The following STOX1 variants were observed in gnomAD, a reference collection of about 807,000 sequenced individuals.
The protein encoded by STOX1 is storkhead box 1, also known as storkhead-box protein 1.
STOX1 carries 57 observed loss-of-function variants against 74.8 expected under a neutral mutation model. The observed-to-expected ratio is 0.76, with a 90% CI of 0.62 to 0.95. The LOEUF (loss-of-function observed/expected upper bound fraction) is 0.95, where lower values mean the gene tolerates loss of function less well. STOX1 is among the 40% of genes least tolerant of loss of function. The pLI is 0.00. For missense variants in STOX1, 1,010 were observed against 1,117.0 expected (o/e 0.90, Z 1.37); for synonymous variants, 375 against 401.3 (o/e 0.93, Z 0.78).
intron 1 of STOX1, among the ~76,000 whole-genome samples, chr10:68,845,322 G>A (rs2133519282): frequency 7.0e-6 from 1 of 142,546 alleles, no homozygotes; most frequent in East Asian, 2.1e-4. Flanking sequence ...CACCCAGGCT[G>A]GAGTGCAGTG....
intron 1 of STOX1, among the ~76,000 whole-genome samples, chr10:68,829,599 A>C (rs1839353716): frequency 6.6e-6 from 1 of 152,126 alleles, no homozygotes; most frequent in Non-Finnish European, 1.5e-5. Context: ...GCAAGAAGCA[A>C]GCACCTGACC....
At chr10:68,865,772 A>T (rs1479766896) in intron 1 of STOX1, among the ~76,000 whole-genome samples, 1 of 152,180 alleles carries the variant, frequency 6.6e-6, no homozygotes, top group African/African-American at 2.4e-5. Flanking sequence ...AACATTCTAC[A>T]TTTACCTGAT....
chr10:68,847,295 C>G (rs894174694), intron 1 of STOX1, among the ~76,000 whole-genome samples: 2 of 152,122 alleles, frequency 1.3e-5, no homozygotes, highest in Admixed American at 1.3e-4. Context: ...AAAGATGACC[C>G]CAGTATAAGT....
chr10:68,836,165 C>T (rs1839547352), intron 1 of STOX1, among the ~76,000 whole-genome samples: 1 of 152,212 alleles, frequency 6.6e-6, no homozygotes, highest in South Asian at 2.1e-4. Flanking sequence ...CCACCACGCC[C>T]CGCCCTTGAG....
chr10:68,829,090 C>G (rs532292181), intron 1 of STOX1: 2 of 674,144 alleles, frequency 3.0e-6, no homozygotes, highest in Admixed American at 6.3e-5. Flanking sequence ...ACCAGTTGTT[C>G]CGCGCTTAAT....
chr10:68,829,049 C>T (rs1263058482), intron 1 of STOX1: 3 of 959,346 alleles, frequency 3.1e-6, no homozygotes, highest in Non-Finnish European at 3.7e-6. Context: ...TGTGAGGCTG[C>T]AAGGGCCATT....
At chr10:68,849,404 T>C (rs1271302510) in intron 1 of STOX1, among the ~76,000 whole-genome samples, 1 of 152,218 alleles carries the variant, frequency 6.6e-6, no homozygotes, top group Non-Finnish European at 1.5e-5. Context: ...CTTCCGATTA[T>C]TTAATTTATA....
rs1840924740 is a variant in STOX1 at position 68,885,551 on chromosome 10, C to T, written c.1755C>T (p.His585=). 2 of 1,614,188 alleles carry T rather than the reference C, an allele frequency of 1.2e-6. No homozygotes were observed. Among genetic ancestry groups the T allele is most frequent in the African/African-American group, 1.3e-5 (1 of 75,050 alleles). ...NDDFRGHLFS[H]PQQSMLQNDG... Reference sequence around the variant, plus strand: ...ACTTCAGAGGTCACCTCTTCAGTCACCCTCAACAGAGCATGTTGCAAAATG... The same window carrying T: ...ACTTCAGAGGTCACCTCTTCAGTCATCCTCAACAGAGCATGTTGCAAAATG... The change falls in exon 3 of 4, where the codon CAC becomes CAT. Residue 585 remains histidine (H), a synonymous_variant. Coordinates refer to ENST00000298596, the MANE Select transcript of STOX1 (RefSeq NM_152709.5).
chr10:68,840,030 C>T (rs1040798256), intron 1 of STOX1, among the ~76,000 whole-genome samples: 1 of 152,002 alleles, frequency 6.6e-6, no homozygotes, highest in Non-Finnish European at 1.5e-5. Flanking sequence ...AGAAATAAAC[C>T]CACACATATA....
chr10:68,873,267 T>A (rs1033599114), intron 1 of STOX1, among the ~76,000 whole-genome samples: 1 of 148,728 alleles, frequency 6.7e-6, no homozygotes, highest in Admixed American at 6.7e-5. Flanking sequence ...ATTTTTTTTT[T>A]TTTTTTTTTT....
intron 2 of STOX1, among the ~76,000 whole-genome samples, chr10:68,883,288 A>G (rs1379738257): frequency 1.3e-5 from 2 of 151,916 alleles, no homozygotes; most frequent in Non-Finnish European, 2.9e-5. Flanking sequence ...AAATAAACGA[A>G]TGTTTTCCTC....
Position 68,827,573 on chromosome 10 carries a change from G to C in STOX1, c.-51G>C, listed in dbSNP as rs953445765. 8.0e-5 allele frequency: 87 copies of C among 1,090,818 alleles called. No individual in the cohort carries two copies. The highest frequency in any genetic ancestry group is 9.6e-5 in the Non-Finnish European group (86 of 893,210). 67.6% of individuals were successfully genotyped at this position (1,090,818 alleles called of 1,614,324 possible). A position where few individuals can be genotyped will look rare whatever the true frequency, so the allele number is the denominator to read the frequency against. On this transcript the variant is annotated 5_prime_UTR_variant, in exon 1 of 4. Coordinates refer to ENST00000298596, the MANE Select transcript of STOX1 (RefSeq NM_152709.5). ...CCGCCGAGCGAGCGGCGTCGTAGCC[G>C]CCGCGCTCGCCGAGGCCCTGCGTTG... is the stretch of plus-strand genomic sequence containing the variant.
chr10:68,859,754 C>T (rs1164883986), intron 1 of STOX1, among the ~76,000 whole-genome samples: 10 of 151,924 alleles, frequency 6.6e-5, no homozygotes, highest in African/African-American at 2.4e-4. Context: ...CAGATTCCAA[C>T]AAGAAGCTTG....
intron 1 of STOX1, among the ~76,000 whole-genome samples, chr10:68,832,871 G>A (rs964329843): frequency 2.0e-5 from 3 of 151,748 alleles, no homozygotes; most frequent in Non-Finnish European, 4.4e-5. Flanking sequence ...GCAAATGATC[G>A]TCCTACCTCA....
At chr10:68,860,073 C>T (rs980126260) in intron 1 of STOX1, among the ~76,000 whole-genome samples, 5 of 151,916 alleles carry the variant, frequency 3.3e-5, no homozygotes, top group African/African-American at 7.3e-5. Flanking sequence ...GGGCAGATCA[C>T]GAGGTCCAGA....
At chr10:68,839,138 A>G (rs985266069) in intron 1 of STOX1, among the ~76,000 whole-genome samples, 5 of 152,324 alleles carry the variant, frequency 3.3e-5, no homozygotes, top group South Asian at 2.1e-4. Flanking sequence ...TGCAATCCCT[A>G]TCAAAATCCC....
intron 1 of STOX1, among the ~76,000 whole-genome samples, chr10:68,866,250 A>G (rs946212803): frequency 2.0e-5 from 3 of 152,120 alleles, no homozygotes; most frequent in Non-Finnish European, 4.4e-5. Flanking sequence ...ACTTTGATAT[A>G]CTTCAGGGGC....
intron 1 of STOX1, among the ~76,000 whole-genome samples, chr10:68,840,982 C>T (rs1012688144): frequency 6.6e-6 from 1 of 151,080 alleles, no homozygotes; most frequent in Non-Finnish European, 1.5e-5. Context: ...GTGTCTCGCT[C>T]TGTTGCCCAG....
At chr10:68,863,295 G>T (rs1840311317) in intron 1 of STOX1, among the ~76,000 whole-genome samples, 2 of 152,132 alleles carry the variant, frequency 1.3e-5, no homozygotes, top group Non-Finnish European at 1.5e-5. Context: ...TCACGGCAAT[G>T]CTGATCACCG....
Sources: allele counts gnomAD v4.1 joint callset (sites outside exome capture counted in the v4.1 genomes callset), GRCh38; gene constraint gnomAD v4.1.1; transcripts MANE v1.5; gene names NCBI Gene and HGNC (gene_info 2026-07-23, HGNC 2026-07-21).